REEP2: variants seen among roughly 807,000 people sequenced by gnomAD.
The protein encoded by REEP2 is receptor expression-enhancing protein 2.
Under a neutral mutation model 32.1 loss-of-function variants are expected in REEP2, and 9 were observed. The ratio of observed to expected loss-of-function variants is 0.28; its 90% CI spans 0.17 to 0.49. REEP2 has a LOEUF of 0.49. Ranked by LOEUF, REEP2 falls within the 20% of genes least tolerant of loss-of-function variation. REEP2 has a pLI of 0.99. For synonymous variants in REEP2, 128 were observed against 139.1 expected, an observed-to-expected ratio of 0.92 and a Z score of 0.56; for missense variants, 236 against 338.0, an observed-to-expected ratio of 0.70 and a Z score of 2.37.
chr5:138,444,343 G>A (rs549058635), intron 3 of REEP2, 72 bp from the exon 4 acceptor site: 42 of 1,563,258 alleles, frequency 2.7e-5, no homozygotes, highest in East Asian at 2.5e-4. Context: ...CACACATGGG[G>A]CCGGTGCTGC....
At position 138,441,451 on chromosome 5, in the gene REEP2, G is replaced by A; in HGVS notation, c.172G>A (p.Val58Met). Reference protein sequence around the residue: ...FTTAETLTDIVLSWFPFYFEL... With the variant: ...FTTAETLTDIMLSWFPFYFEL... Reference sequence around the variant, plus strand: ...CACGGCCGAGACGCTCACGGATATAGTGCTCTCCTGGTGAGGTCCAGCGTC... The same window carrying A: ...CACGGCCGAGACGCTCACGGATATAATGCTCTCCTGGTGAGGTCCAGCGTC... Residue 58 changes from valine (V) to methionine (M), a missense_variant, in exon 3 of 8, where the codon GTG becomes ATG. By Grantham distance (21) the Val-to-Met change is conservative. Transcript: ENST00000378339. The surrounding 1 kb of genome is among the most constrained non-coding windows in gnomAD (Gnocchi z 4.4). The A allele has an allele frequency of 6.2e-7, 1 of 1,614,118 alleles. No homozygotes were observed. The highest frequency in any genetic ancestry group is 1.1e-5 in the South Asian group (1 of 91,084).
intron 1 of REEP2, 29 bp downstream of exon 1, chr5:138,439,269 C>A: frequency 7.0e-7 from 1 of 1,419,502 alleles, no homozygotes; most frequent in Non-Finnish European, 9.2e-7. Context: ...GGGGGTGATG[C>A]GGGCTGTGAT....
chr5:138,441,506 T>C lies in REEP2; in HGVS notation c.182+45T>C, dbSNP rs1763826542. 6.5e-7 allele frequency: 1 copy of C among 1,536,800 alleles called. No individual in the cohort carries two copies. The highest frequency in any genetic ancestry group is 1.7e-5 in the Admixed American group (1 of 59,782). ...CCTGTATCTCAGGGCCCAGGGCCTC[T>C]GCCTTTCTCTACCCAGCCAGCCAAA... On this transcript the variant is annotated intron_variant, in intron 3 of 7. Coordinates refer to ENST00000378339, the MANE Select transcript of REEP2 (RefSeq NM_001271803.2). This position sits in a 1 kb window ranked among gnomAD's most constrained non-coding sequence, Gnocchi z 4.4.
intron 3 of REEP2, among the ~76,000 whole-genome samples, chr5:138,442,067 G>A (rs1050852917): frequency 1.1e-4 from 17 of 152,196 alleles, no homozygotes; most frequent in African/African-American, 2.7e-4. Flanking sequence ...CACAGCTCTC[G>A]AGGCCTCAGT....
Position 138,441,081 on chromosome 5 carries a change from A to T in REEP2, c.98A>T (p.Lys33Met). ...AAGGCCGTGAAGACAAAAAACGTGA[A>T]GGAATATGTGAGTGGATGACCCTTC... ...SYKAVKTKNV[K>M]EYVKWMMYWI... The change falls in exon 2 of 8, where the codon AAG (lysine) becomes ATG (methionine). Residue 33 changes from lysine (K) to methionine (M), a missense_variant. Coordinates refer to ENST00000378339, the MANE Select transcript of REEP2 (RefSeq NM_001271803.2). This position sits in a 1 kb window ranked among gnomAD's most constrained non-coding sequence, Gnocchi z 4.4. 6.2e-7 allele frequency: 1 copy of T among 1,613,916 alleles called. No homozygotes were observed. Among genetic ancestry groups the T allele is most frequent in the Non-Finnish European group, 8.5e-7 (1 of 1,180,014 alleles).
chr5:138,440,865 T>C (rs1763811010), intron 1 of REEP2, 151 bp from the exon 2 acceptor site: 4 of 1,439,184 alleles, frequency 2.8e-6, no homozygotes, highest in South Asian at 1.4e-5. Context: ...TGTTCCATGC[T>C]GCTTTGACCT....
chr5:138,439,651 G>A, intron 1 of REEP2: 1 of 463,292 alleles, frequency 2.2e-6, no homozygotes, highest in South Asian at 1.5e-5. Flanking sequence ...GGAAGAGAGT[G>A]GAGCAAGGCA....
In REEP2 at chr5:138,445,767, C is replaced by G; in HGVS notation, c.*16C>G. Reference sequence around the variant, plus strand: ...CTCAGCTTGAGCCCCTCCACCCCCGCAGGCTGCAGAGCAAGGATGAAGCCT... The same window carrying G: ...CTCAGCTTGAGCCCCTCCACCCCCGGAGGCTGCAGAGCAAGGATGAAGCCT... On this transcript the variant is annotated 3_prime_UTR_variant, in exon 8 of 8. Transcript: ENST00000378339. 6.2e-7 allele frequency: 1 copy of G among 1,611,116 alleles called. No homozygotes were observed. Among genetic ancestry groups the G allele is most frequent in the Non-Finnish European group, 8.5e-7 (1 of 1,178,634 alleles).
At chr5:138,440,519 G>A (rs1423730360) in intron 1 of REEP2, among the ~76,000 whole-genome samples, 1 of 152,190 alleles carries the variant, frequency 6.6e-6, no homozygotes, top group East Asian at 1.9e-4. Flanking sequence ...CTGCCCCTGT[G>A]CCCTCTGTTC....
rs760206338 is a variant in REEP2, at chr5:138,444,782, G to A, written c.332G>A (p.Arg111Gln). Residue 111 changes from arginine (R) to glutamine (Q), a missense_variant, in exon 5 of 8, where the codon CGA (arginine) becomes CAA (glutamine). Coordinates refer to ENST00000378339, the MANE Select transcript of REEP2 (RefSeq NM_001271803.2). The part of the protein sequence containing the change: ...KEIDEYITQA[R>Q]DKSYETMMRV... ...ATCGACGAGTACATCACGCAGGCCC[G>A]AGACAAGAGCTATGAGACCATGATG... 21 of 1,613,920 alleles carry A rather than the reference G, an allele frequency of 1.3e-5. No individual in the cohort carries two copies. The highest frequency in any genetic ancestry group is 1.0e-5 in the Non-Finnish European group (12 of 1,179,976).
intron 6 of REEP2, 30 bp from the exon 7 acceptor site, chr5:138,445,438 T>G (rs747353725): frequency 3.1e-6 from 5 of 1,613,566 alleles, no homozygotes; most frequent in Non-Finnish European, 3.4e-6. Context: ...TGGGAAAGAT[T>G]CCCCCACCTC....
chr5:138,441,335 C>A lies in REEP2; in HGVS notation c.106-50C>A. 1 of 1,538,684 alleles carries A rather than the reference C, an allele frequency of 6.5e-7. No homozygotes were observed. The highest frequency in any genetic ancestry group is 1.1e-5 in the South Asian group (1 of 89,622). On this transcript the variant is annotated intron_variant, in intron 2 of 7. Coordinates refer to ENST00000378339, the MANE Select transcript of REEP2 (RefSeq NM_001271803.2). The surrounding 1 kb of genome is among the most constrained non-coding windows in gnomAD (Gnocchi z 4.4). ...AGGCAGAGCTGGGGTCCTGGGTGTC[C>A]CTGGCCCCTCAGCCCCGTGCCCCAG...
chr5:138,442,581 C>T (rs1014014364), intron 3 of REEP2, among the ~76,000 whole-genome samples: 4 of 151,558 alleles, frequency 2.6e-5, no homozygotes, highest in South Asian at 2.1e-4. Context: ...CATGGCAGGG[C>T]GCAGTGGCTC....
intron 7 of REEP2, 42 bp from the exon 8 acceptor site, chr5:138,445,641 G>C (rs752120966): frequency 5.0e-6 from 8 of 1,613,980 alleles, no homozygotes; most frequent in Middle Eastern, 1.6e-4. Context: ...GCAGGGGGTG[G>C]CGGCTCCAGG....
At position 138,445,530 on chromosome 5, in the gene REEP2, T is replaced by C; in HGVS notation, c.628T>C (p.Ser210Pro). The change falls in exon 7 of 8, where the codon TCT (serine) becomes CCT (proline). Residue 210 changes from serine (S) to proline (P), a missense_variant. By Grantham distance (74) the Ser-to-Pro change is moderately conservative. Coordinates refer to ENST00000378339, the MANE Select transcript of REEP2 (RefSeq NM_001271803.2). ...CCCGGCAGATTCCCGGACAGAGGCT[T>C]CTGAGGATGACATGGGAGACAAAGC... Reference protein sequence around the residue: ...TNPADSRTEASEDDMGDKAPK... With the variant: ...TNPADSRTEAPEDDMGDKAPK... 1.2e-6 allele frequency: 2 copies of C among 1,614,134 alleles called. No homozygotes were observed. Among genetic ancestry groups the C allele is most frequent in the Non-Finnish European group, 1.7e-6 (2 of 1,180,016 alleles).
At chr5:138,444,321 G>T in intron 3 of REEP2, 94 bp from the exon 4 acceptor site, 1 of 1,456,714 alleles carries the variant, frequency 6.9e-7, no homozygotes, top group African/African-American at 1.4e-5. Context: ...AGAGTGAGGG[G>T]CTGTGCAGGG....
At position 138,445,124 on chromosome 5, in the gene REEP2, G is replaced by A. The variant is rs1184610869; in HGVS notation, c.418-104G>A. ...CTGTGTGGGACTGGGTGAGGACAGT[G>A]TGGGGAGGGCACCGAGCCTGGGGCT... On this transcript the variant is annotated intron_variant, in intron 5 of 7. Transcript: ENST00000378339. The A allele has an allele frequency of 4.7e-6, 6 of 1,289,708 alleles. No homozygotes were observed. The East Asian group carries it at 1.4e-4, about 30-fold the overall frequency. 79.9% of individuals were successfully genotyped at this position (1,289,708 alleles called of 1,614,324 possible).
chr5:138,443,201 C>T (rs1487818463), intron 3 of REEP2, among the ~76,000 whole-genome samples: 1 of 151,806 alleles, frequency 6.6e-6, no homozygotes, highest in East Asian at 1.9e-4. Flanking sequence ...GGCTCATGCC[C>T]ATAATCACAG....
Position 138,444,756 on chromosome 5 carries a change from G to C in REEP2, c.306G>C (p.Glu102Asp), listed in dbSNP as rs749159999. 1 of 1,613,758 alleles carries C rather than the reference G, an allele frequency of 6.2e-7. No individual in the cohort carries two copies. The highest frequency in any genetic ancestry group is 1.1e-5 in the South Asian group (1 of 91,064). ...TCCCTTCCCCTCCAATCCCATAGGA[G>C]ATCGACGAGTACATCACGCAGGCCC... is the stretch of plus-strand genomic sequence containing the variant. ...VHPTLSNKEK[E>D]IDEYITQARD... is the part of the protein sequence containing the mutation. Residue 102 changes from glutamate to aspartate, a missense_variant and splice_region_variant, in exon 5 of 8, where the codon GAG (glutamate) becomes GAC (aspartate). By Grantham distance (45) the Glu-to-Asp change is conservative. Transcript: ENST00000378339.
Sources: allele counts gnomAD v4.1 joint callset (sites outside exome capture counted in the v4.1 genomes callset), GRCh38; gene constraint gnomAD v4.1.1; non-coding constraint Gnocchi (gnomAD v3.1); transcripts MANE v1.5; gene names NCBI Gene and HGNC (gene_info 2026-07-23, HGNC 2026-07-21).